Variants in USP32 observed in about 807,000 individuals in gnomAD.
USP32 encodes the protein ubiquitin specific peptidase 32.
In USP32, 59 loss-of-function variants were observed where a neutral mutation model predicts 204.8. That is an observed-to-expected ratio of 0.29 (90% CI 0.23 to 0.36). USP32 has a LOEUF of 0.36. Among genes scored for constraint, USP32 ranks in the 10% least tolerant of loss-of-function variants. The pLI is 1.00. For synonymous variants in USP32, 517 were observed against 678.4 expected, an observed-to-expected ratio of 0.76 and a Z score of 3.70; for missense variants, 1,160 against 1,946.4, an observed-to-expected ratio of 0.60 and a Z score of 7.60.
At chr17:60,322,338 T>C (rs997153456) in intron 2 of USP32, among the ~76,000 whole-genome samples, 1 of 152,170 alleles carries the variant, frequency 6.6e-6, no homozygotes, top group Non-Finnish European at 1.5e-5. Flanking sequence ...GTGTTTAAGA[T>C]ATTGTTCTTA....
chr17:60,283,270 G>T (rs2087018270), intron 5 of USP32, among the ~76,000 whole-genome samples: 1 of 152,150 alleles, frequency 6.6e-6, no homozygotes, highest in African/African-American at 2.4e-5. Flanking sequence ...CTCTGTAGTT[G>T]AGGCAAAGAA....
chr17:60,359,165 T>C (rs1046291795), intron 1 of USP32, among the ~76,000 whole-genome samples: 8 of 152,176 alleles, frequency 5.3e-5, no homozygotes, highest in African/African-American at 1.4e-4. Flanking sequence ...ATTGCTTCCA[T>C]GCCCCACCAC....
chr17:60,416,327 C>T (rs906170133), intron 1 of USP32, among the ~76,000 whole-genome samples: 13 of 152,090 alleles, frequency 8.5e-5, no homozygotes, highest in African/African-American at 2.7e-4. Flanking sequence ...ACAAGAATTT[C>T]GTGAGTTCCA....
intron 2 of USP32, among the ~76,000 whole-genome samples, chr17:60,306,359 C>T (rs8069475): frequency 0.022 from 3,282 of 152,154 alleles, 137 homozygotes; most frequent in African/African-American, 0.075. Flanking sequence ...ATTTTCTGGC[C>T]GGGCGCAGTG....
At chr17:60,316,841 A>AT (rs1254713634) in intron 2 of USP32, among the ~76,000 whole-genome samples, 12 of 152,102 alleles carry the variant, frequency 7.9e-5, no homozygotes, top group African/African-American at 2.9e-4. Context: ...ACTTTGACTC[A>AT]TAAAAACAAA....
At chr17:60,331,737 A>G (rs1400119362) in intron 2 of USP32, among the ~76,000 whole-genome samples, 2 of 137,182 alleles carry the variant, frequency 1.5e-5, no homozygotes, top group African/African-American at 2.7e-5. Context: ...CAGCAAAACA[A>G]AAAAATACAA....
At chr17:60,348,850 A>G (rs1206767273) in intron 1 of USP32, among the ~76,000 whole-genome samples, 3 of 152,146 alleles carry the variant, frequency 2.0e-5, no homozygotes, top group Non-Finnish European at 4.4e-5. Context: ...GGGGGGGTTC[A>G]TGGTTCAGCA....
rs751421100 is a variant in USP32, at chr17:60,181,522, C to T, written c.4350G>A (p.Val1450=). Residue 1450 remains valine, a synonymous_variant, in exon 32 of 34, where the codon GTG becomes GTA. Coordinates refer to ENST00000300896, the MANE Select transcript of USP32 (RefSeq NM_032582.4). ...CCAACTCTGGTTGGCTGCCCCCCAG[C>T]ACATGCCCTCGACTCAAGGCGTCAG... is the stretch of plus-strand genomic sequence containing the variant. The part of the protein sequence containing the change: ...ELADALSRGH[V]LGGSQPELVT... 1.2e-6 allele frequency: 2 copies of T among 1,614,000 alleles called. No homozygotes were observed. Among genetic ancestry groups the T allele is most frequent in the African/African-American group, 1.3e-5 (1 of 75,054 alleles).
At chr17:60,287,604 C>T (rs778144756) in intron 5 of USP32, among the ~76,000 whole-genome samples, 40 of 152,284 alleles carry the variant, frequency 2.6e-4, no homozygotes, top group Admixed American at 8.5e-4. Flanking sequence ...GATTCTATAA[C>T]AGGACTTCAG....
chr17:60,287,828 C>A (rs1398357625), intron 5 of USP32, among the ~76,000 whole-genome samples: 2 of 151,922 alleles, frequency 1.3e-5, no homozygotes, highest in African/African-American at 2.4e-5. Flanking sequence ...AAAAAAATTT[C>A]TCAGGCCGGG....
chr17:60,397,362 A>G (rs1398399024), intron 1 of USP32, among the ~76,000 whole-genome samples: 1 of 151,888 alleles, frequency 6.6e-6, no homozygotes, highest in African/African-American at 2.4e-5. Context: ...GGCTTTTTCC[A>G]GTTGTTGTTG....
chr17:60,419,843 T>C (rs1217001803), intron 1 of USP32, among the ~76,000 whole-genome samples: 1 of 145,544 alleles, frequency 6.9e-6, no homozygotes, highest in Non-Finnish European at 1.5e-5. Flanking sequence ...ATTATTATTA[T>C]TATTATTATT....
At chr17:60,214,061 C>T (rs1233510911) in intron 17 of USP32, among the ~76,000 whole-genome samples, 1 of 151,910 alleles carries the variant, frequency 6.6e-6, no homozygotes, top group Non-Finnish European at 1.5e-5. Context: ...CCTGCCTCAG[C>T]CTTCTGAGTA....
At chr17:60,296,341 G>A (rs1021980451) in intron 3 of USP32, among the ~76,000 whole-genome samples, 1 of 152,076 alleles carries the variant, frequency 6.6e-6, no homozygotes, top group African/African-American at 2.4e-5. Flanking sequence ...ATTAGGGTGG[G>A]ACCCAATATA....
intron 9 of USP32, among the ~76,000 whole-genome samples, chr17:60,264,787 G>C (rs1483643048): frequency 1.4e-5 from 2 of 147,044 alleles, no homozygotes; most frequent in Non-Finnish European, 3.0e-5. Flanking sequence ...TTGAAGCCGG[G>C]AGGCAGAGGT....
chr17:60,256,697 G>A (rs1252091514), intron 9 of USP32: 2 of 1,121,724 alleles, frequency 1.8e-6, no homozygotes, highest in Non-Finnish European at 2.2e-6. Flanking sequence ...GTGAGGAAAG[G>A]AACATCAATG....
chr17:60,345,336 C>T, intron 2 of USP32, 145 bp downstream of exon 2: 1 of 1,178,670 alleles, frequency 8.5e-7, no homozygotes, highest in South Asian at 1.6e-5. Context: ...ACGTTGACAT[C>T]TAAAACAAAA....
At chr17:60,403,343 A>G (rs1449293772) in intron 1 of USP32, among the ~76,000 whole-genome samples, 2 of 152,156 alleles carry the variant, frequency 1.3e-5, no homozygotes, top group East Asian at 3.9e-4. Flanking sequence ...CTAGCCTCAG[A>G]TGTAACGCAG....
At chr17:60,332,521 G>A (rs1344651645) in intron 2 of USP32, among the ~76,000 whole-genome samples, 1 of 151,944 alleles carries the variant, frequency 6.6e-6, no homozygotes, top group South Asian at 2.1e-4. Context: ...GGTGGTGGGC[G>A]CCTGTGATCC....
Sources: gnomAD v4.1 joint callset for allele counts (sites outside exome capture counted in the v4.1 genomes callset) on GRCh38, gnomAD v4.1.1 for gene constraint, MANE v1.5 for transcripts, NCBI Gene and HGNC (gene_info 2026-07-23, HGNC 2026-07-21) for gene names.